Variants in TENM3 observed in about 807,000 individuals in gnomAD.
TENM3 encodes the protein teneurin-3.
TENM3 carries 63 observed loss-of-function variants against 255.1 expected under a neutral mutation model. That is an observed-to-expected ratio of 0.25 (90% CI 0.20 to 0.30). The LOEUF (loss-of-function observed/expected upper bound fraction) is 0.30, where lower values mean the gene tolerates loss of function less well. Ranked by LOEUF, TENM3 falls within the 10% of genes least tolerant of loss-of-function variation. The probability of loss-of-function intolerance (pLI) is 1.00; values close to 1 mark genes in which losing one functional copy is unlikely to be tolerated. For synonymous variants in TENM3, 1,306 were observed against 1,322.3 expected (o/e 0.99, Z 0.27); for missense variants, 2,929 against 3,461.1 (o/e 0.85, Z 3.86).
At chr4:181,819,317 A>G in the TENM3 span, among the ~76,000 whole-genome samples, 1 of 152,178 alleles carries the variant, frequency 6.6e-6, no homozygotes. Context: ...CACATGAATA[A>G]ATAAAACAAG....
chr4:181,924,581 T>C, the TENM3 span, among the ~76,000 whole-genome samples: 3 of 152,246 alleles, frequency 2.0e-5, no homozygotes. Context: ...GAACTGTTCA[T>C]TGTTAATGCC....
chr4:182,348,640 C>A (rs1470732497), intron 3 of TENM3, among the ~76,000 whole-genome samples: 1 of 152,154 alleles, frequency 6.6e-6, no homozygotes, highest in Non-Finnish European at 1.5e-5. Context: ...TCCAAACAAA[C>A]CTTCTATGGC....
At chr4:181,844,860 TC>T in the TENM3 span, among the ~76,000 whole-genome samples, 2 of 152,130 alleles carry the variant, frequency 1.3e-5, no homozygotes, top group African/African-American at 4.8e-5. Flanking sequence ...TAAATGGTCC[TC>T]CCTCAGCCTG....
intron 19 of TENM3, among the ~76,000 whole-genome samples, chr4:182,744,526 G>C (rs1010227436): frequency 1.7e-4 from 26 of 152,094 alleles, no homozygotes; most frequent in Admixed American, 1.3e-4. Context: ...GTTTGAGAAG[G>C]CCTGCCTGGT....
At chr4:181,903,992 A>T in the TENM3 span, among the ~76,000 whole-genome samples, 1 of 152,228 alleles carries the variant, frequency 6.6e-6, no homozygotes, top group South Asian at 2.1e-4. Flanking sequence ...CTCTCCCTTG[A>T]ACTCCAGATG....
intron 1 of TENM3, among the ~76,000 whole-genome samples, chr4:182,153,447 A>G (rs1280333367): frequency 6.6e-6 from 1 of 152,088 alleles, no homozygotes; most frequent in Non-Finnish European, 1.5e-5. Context: ...GTTTAAGGTA[A>G]TTTCAATAAA....
the TENM3 span, among the ~76,000 whole-genome samples, chr4:182,017,030 A>G: frequency 6.6e-6 from 1 of 152,370 alleles, no homozygotes; most frequent in South Asian, 2.1e-4. Flanking sequence ...TTTGCCTTAC[A>G]ATGGACACAT....
chr4:181,577,721 A>G, the TENM3 span, among the ~76,000 whole-genome samples: 2 of 152,030 alleles, frequency 1.3e-5, no homozygotes, highest in East Asian at 1.9e-4. Context: ...TACATGCTCT[A>G]TCCATTTTGG....
At chr4:182,395,664 C>T (rs2151001974) in intron 3 of TENM3, among the ~76,000 whole-genome samples, 1 of 152,158 alleles carries the variant, frequency 6.6e-6, no homozygotes. Context: ...AGGATAAATG[C>T]ATATGCTTTT....
chr4:181,958,891 T>C, the TENM3 span, among the ~76,000 whole-genome samples: 3 of 152,284 alleles, frequency 2.0e-5, no homozygotes, highest in African/African-American at 7.2e-5. Context: ...ACAGGGTTAA[T>C]GGATGATTAT....
the TENM3 span, among the ~76,000 whole-genome samples, chr4:181,487,924 G>T: frequency 5.3e-5 from 8 of 152,208 alleles, no homozygotes; most frequent in Admixed American, 5.2e-4. Flanking sequence ...CACTCTGAGA[G>T]CTGGGCTTCC....
At chr4:181,514,446 T>TA in the TENM3 span, among the ~76,000 whole-genome samples, 2 of 152,168 alleles carry the variant, frequency 1.3e-5, no homozygotes, top group East Asian at 3.9e-4. Flanking sequence ...ATTTTCCTAT[T>TA]AAAAAAAGTG....
chr4:182,210,793 C>T, intron 1 of TENM3, among the ~76,000 whole-genome samples: 1 of 152,176 alleles, frequency 6.6e-6, no homozygotes, highest in East Asian at 1.9e-4. Context: ...CTTCCCCACT[C>T]TTCCTGCTCC....
the TENM3 span, among the ~76,000 whole-genome samples, chr4:181,933,128 C>T: frequency 1.1e-4 from 17 of 152,016 alleles, no homozygotes; most frequent in Admixed American, 8.5e-4. Flanking sequence ...CAAACCTGCA[C>T]GTTCTGCACA....
intron 3 of TENM3, among the ~76,000 whole-genome samples, chr4:182,484,324 A>C (rs11132132): frequency 0.69 from 105,361 of 152,036 alleles, 38,457 homozygotes; most frequent in East Asian, 0.92. Flanking sequence ...ATTTGAACCC[A>C]GGCAGTGTGG....
At chr4:182,537,271 A>G (rs553871903) in intron 3 of TENM3, among the ~76,000 whole-genome samples, 2 of 152,194 alleles carry the variant, frequency 1.3e-5, no homozygotes, top group African/African-American at 4.8e-5. Context: ...CAAAAAGGCT[A>G]GCTCCTGCAG....
chr4:182,475,863 A>T (rs1245820278), intron 3 of TENM3, among the ~76,000 whole-genome samples: 1 of 152,198 alleles, frequency 6.6e-6, no homozygotes, highest in Non-Finnish European at 1.5e-5. Flanking sequence ...CCCTCAAGTG[A>T]CTATGATAAT....
chr4:181,466,492 C>A, the TENM3 span, among the ~76,000 whole-genome samples: 1 of 152,134 alleles, frequency 6.6e-6, no homozygotes, highest in Non-Finnish European at 1.5e-5. Flanking sequence ...GAGCCACCTA[C>A]ACTTTACGGT....
intron 3 of TENM3, among the ~76,000 whole-genome samples, chr4:182,438,331 T>A (rs964817171): frequency 6.6e-6 from 1 of 152,252 alleles, no homozygotes; most frequent in Non-Finnish European, 1.5e-5. Context: ...TTAAGTAGTC[T>A]AAAGCTTAAA....
Sources: gnomAD v4.1 joint callset for allele counts (sites outside exome capture counted in the v4.1 genomes callset) on GRCh38, gnomAD v4.1.1 for gene constraint, MANE v1.5 for transcripts, NCBI Gene and HGNC (gene_info 2026-07-23, HGNC 2026-07-21) for gene names.